DYM: variants seen among roughly 807,000 people sequenced by gnomAD.
DYM encodes dyggve-Melchior-Clausen syndrome protein.
DYM carries 78 observed loss-of-function variants against 93.1 expected under a neutral mutation model. The ratio of observed to expected loss-of-function variants is 0.84; its 90% CI spans 0.70 to 1.01. The LOEUF is 1.01. Ranked by LOEUF, DYM falls within the 50% of genes least tolerant of loss-of-function variation. The probability of loss-of-function intolerance (pLI) is 0.00; values close to 1 mark genes in which losing one functional copy is unlikely to be tolerated. For synonymous variants in DYM, 321 were observed against 319.7 expected (o/e 1.00, Z -0.04); for missense variants, 789 against 845.0 (o/e 0.93, Z 0.82).
At chr18:49,459,535 G>C (rs904419337) in intron 1 of DYM, among the ~76,000 whole-genome samples, 3 of 151,760 alleles carry the variant, frequency 2.0e-5, no homozygotes, top group East Asian at 3.9e-4. Context: ...TCCTCTCCAC[G>C]GCCTCCACCC....
rs1568325325 is a variant in DYM, at chr18:49,038,399, T to A, written c.*5656A>T. Among the ~76,000 whole-genome samples the A allele has an allele frequency of 1.3e-5, 2 of 152,240 alleles. No individual in the cohort carries two copies. Among genetic ancestry groups the A allele is most frequent in the Non-Finnish European group, 2.9e-5 (2 of 68,038 alleles). The stretch of plus-strand genomic sequence containing the variant: ...TTTAAGTGCATATAAATTTAGATTA[T>A]CTTTCTAGTAATTGAATTGACCCTT... On this transcript the variant is annotated 3_prime_UTR_variant, in exon 18 of 18. Transcript: ENST00000675505.
intron 2 of DYM, among the ~76,000 whole-genome samples, chr18:49,416,649 AG>A (rs2073026670): frequency 6.6e-6 from 1 of 152,242 alleles, no homozygotes; most frequent in Non-Finnish European, 1.5e-5. Flanking sequence ...ACACAGTAAT[AG>A]AAATTCAGAC....
At chr18:49,049,065 T>C (rs2072034011) in intron 17 of DYM, among the ~76,000 whole-genome samples, 1 of 152,234 alleles carries the variant, frequency 6.6e-6, no homozygotes, top group Non-Finnish European at 1.5e-5. Flanking sequence ...ATAAACTTTA[T>C]CTGTCAAGAG....
intron 2 of DYM, among the ~76,000 whole-genome samples, chr18:49,425,273 G>C (rs1322898427): frequency 6.6e-6 from 1 of 152,112 alleles, no homozygotes; most frequent in Non-Finnish European, 1.5e-5. Context: ...TGACAAACCT[G>C]ACAAAAACAA....
Position 49,363,383 on chromosome 18 carries a change from A to C in DYM, c.422-150T>G, listed in dbSNP as rs370637980. The C allele has an allele frequency of 3.4e-4, 231 of 688,970 alleles. 2 individuals carry two copies. In the South Asian group the frequency reaches 3.7e-3, roughly 11 times the overall value. 42.7% of individuals were successfully genotyped at this position (688,970 alleles called of 1,614,324 possible). ...ATGTTGACCTCTGAATAAAATCCAA[A>C]TCATGAATAGGTTAGCATCTATGAT... On this transcript the variant is annotated intron_variant, in intron 5 of 17. Transcript: ENST00000675505.
chr18:49,110,545 G>C (rs906366369), intron 16 of DYM, among the ~76,000 whole-genome samples: 2 of 151,706 alleles, frequency 1.3e-5, no homozygotes, highest in African/African-American at 4.8e-5. Context: ...GACTTGCCTA[G>C]CTAGGTTCTG....
chr18:49,152,026 C>T (rs778315668), intron 15 of DYM, among the ~76,000 whole-genome samples: 2 of 152,134 alleles, frequency 1.3e-5, no homozygotes, highest in Non-Finnish European at 2.9e-5. Flanking sequence ...ATCTATCACA[C>T]GTTACTACTG....
rs34631271 is a variant in DYM, at chr18:49,375,193, G to GACACACACACAC, written c.421+3362_421+3373dup. ...AGTTACAAAGCGGGAAAGGGGAAAA[G>GACACACACACAC]ACACACACACACACACACACACACA... On this transcript the variant is annotated intron_variant, in intron 5 of 17. Coordinates refer to ENST00000675505, the MANE Select transcript of DYM (RefSeq NM_001353214.3). Among the ~76,000 whole-genome samples the GACACACACACAC allele has an allele frequency of 6.0e-3, 834 of 137,974 alleles. 8 individuals carry two copies. The highest frequency in any genetic ancestry group is 0.02 in the African/African-American group (739 of 37,022). The allele number at this position is 137,974 out of a possible 152,430, so 90.5% of individuals were successfully genotyped here.
intron 16 of DYM, among the ~76,000 whole-genome samples, chr18:49,110,749 T>C (rs112241473): frequency 2.0e-5 from 3 of 152,330 alleles, no homozygotes; most frequent in African/African-American, 7.2e-5. Context: ...GTCAGTATTT[T>C]TGGAAAATTC....
At chr18:49,067,450 GCACTATGGAAGTTT>G (rs1568366610) in intron 17 of DYM, among the ~76,000 whole-genome samples, 23 of 34,334 alleles carry the variant, frequency 6.7e-4, no homozygotes, top group Non-Finnish European at 1.0e-3. Context: ...GGTGATGTGA[GCACTATGGAAGTTT>G]GGTAGGAGAA....
rs1599877083 is a variant in DYM, at chr18:49,393,067, GA to G, written c.141-1423del. 4.2e-4 allele frequency among the ~76,000 whole-genome samples: 56 copies of G among 134,464 alleles called. 4 individuals carry two copies. The highest frequency in any genetic ancestry group is 7.9e-4 in the South Asian group (3 of 3,790). The allele number at this position is 134,464 out of a possible 152,430, so 88.2% of individuals were successfully genotyped here. On this transcript the variant is annotated intron_variant, in intron 2 of 17. Transcript: ENST00000675505. ...GAGGAGGAGGGGAGGAGGGGAGGAG[GA>G]GGAGGAGGAAAGAAGGGAGGGAGGG...
intron 9 of DYM, 91 bp downstream of exon 9, chr18:49,286,343 A>T: frequency 7.2e-7 from 1 of 1,387,590 alleles, no homozygotes; most frequent in Non-Finnish European, 1.0e-6. Flanking sequence ...TACAATGGAC[A>T]CTCATCTCCA....
chr18:49,098,316 T>C (rs986943935), intron 16 of DYM, among the ~76,000 whole-genome samples: 1 of 152,220 alleles, frequency 6.6e-6, no homozygotes, highest in African/African-American at 2.4e-5. Flanking sequence ...CTTTTATGTC[T>C]TCTATTTTAT....
chr18:49,136,518 G>A (rs1334101208), intron 15 of DYM, among the ~76,000 whole-genome samples: 3 of 152,096 alleles, frequency 2.0e-5, no homozygotes, highest in South Asian at 2.1e-4. Context: ...CTTGGGAATC[G>A]TATTCTAGCA....
rs2070779577 is a variant in DYM at position 49,038,324 on chromosome 18, T to C, written c.*5731A>G. The stretch of plus-strand genomic sequence containing the variant: ...GTTAAAATATCACTCTGGTTGCATA[T>C]TTGTCTAAATTTCCTATCAAATTTT... On this transcript the variant is annotated 3_prime_UTR_variant, in exon 18 of 18. Transcript: ENST00000675505. Among the ~76,000 whole-genome samples, 1 of 152,258 alleles carries C rather than the reference T, an allele frequency of 6.6e-6. No homozygotes were observed. The highest frequency in any genetic ancestry group is 2.4e-5 in the African/African-American group (1 of 41,476).
intron 6 of DYM, among the ~76,000 whole-genome samples, chr18:49,340,758 G>T (rs2064053903): frequency 6.6e-6 from 1 of 152,144 alleles, no homozygotes; most frequent in Non-Finnish European, 1.5e-5. Context: ...ACATAATGAG[G>T]ACATCCACTA....
chr18:49,297,580 GA>G (rs2060638730), intron 8 of DYM, among the ~76,000 whole-genome samples: 2 of 152,100 alleles, frequency 1.3e-5, no homozygotes. Context: ...TTAAGAAAAA[GA>G]AAAACACTGT....
intron 11 of DYM, among the ~76,000 whole-genome samples, chr18:49,265,792 A>G (rs1342863319): frequency 2.6e-5 from 4 of 151,934 alleles, no homozygotes; most frequent in East Asian, 1.9e-4. Context: ...AAAAAAAAAA[A>G]AAAGAAATAT....
At chr18:49,312,524 G>A (rs924470219) in intron 8 of DYM, among the ~76,000 whole-genome samples, 3 of 152,146 alleles carry the variant, frequency 2.0e-5, no homozygotes, top group Non-Finnish European at 1.5e-5. Flanking sequence ...CACACAGGGA[G>A]AACTTTCCCA....
Sources: gnomAD v4.1 joint callset for allele counts (sites outside exome capture counted in the v4.1 genomes callset) on GRCh38, gnomAD v4.1.1 for gene constraint, MANE v1.5 for transcripts, NCBI Gene and HGNC (gene_info 2026-07-23, HGNC 2026-07-21) for gene names.